SLC16A6: variants seen among roughly 807,000 people sequenced by gnomAD.
SLC16A6 encodes the protein monocarboxylate transporter 7.
In SLC16A6, 15 loss-of-function variants were observed where a neutral mutation model predicts 33.8. That is an observed-to-expected ratio of 0.44 (90% CI 0.30 to 0.68). The LOEUF is 0.68. Among genes scored for constraint, SLC16A6 ranks in the 30% least tolerant of loss-of-function variants. SLC16A6 has a pLI of 0.10. For missense variants in SLC16A6, 451 were observed against 661.5 expected, an observed-to-expected ratio of 0.68 and a Z score of 3.49; for synonymous variants, 219 against 248.4, an observed-to-expected ratio of 0.88 and a Z score of 1.11.
At chr17:68,272,918 A>G (rs1247612761) in intron 3 of SLC16A6, 151 bp from the exon 4 acceptor site, 5 of 886,194 alleles carry the variant, frequency 5.6e-6, no homozygotes, top group Non-Finnish European at 8.5e-6. Context: ...TGATGTTGCA[A>G]AGAAAAATGG....
At chr17:68,284,595 C>A (rs760736922) in intron 1 of SLC16A6, among the ~76,000 whole-genome samples, 38 of 152,146 alleles carry the variant, frequency 2.5e-4, no homozygotes, top group Non-Finnish European at 5.1e-4. Flanking sequence ...GACACAACCT[C>A]ATCTATCCAA....
chr17:68,270,451 G>A (rs1337650595), intron 5 of SLC16A6, among the ~76,000 whole-genome samples: 2 of 152,032 alleles, frequency 1.3e-5, no homozygotes, highest in African/African-American at 2.4e-5. Context: ...CTACTCAGGA[G>A]GCTGAGGCAG....
intron 1 of SLC16A6, among the ~76,000 whole-genome samples, chr17:68,281,168 T>TAGACAATA (rs2075684022): frequency 6.7e-6 from 1 of 148,608 alleles, no homozygotes; most frequent in South Asian, 2.1e-4. Context: ...CACAGAAGGG[T>TAGACAATA]AGACAATATT....
chr17:68,283,287 G>C (rs1568416581), intron 1 of SLC16A6, among the ~76,000 whole-genome samples: 1 of 151,488 alleles, frequency 6.6e-6, no homozygotes, highest in Non-Finnish European at 1.5e-5. Flanking sequence ...TTGGGAGGCC[G>C]AGGCAGGCGA....
rs200861671 is a variant in SLC16A6, at chr17:68,268,916, TAAAAC to T, written c.*175_*179del. The stretch of plus-strand genomic sequence containing the variant: ...TAAAAACAAGCAAAAAAAAAAAGCT[TAAAAC>T]AAAACAAAACAAAACAAAAGCGATG... On this transcript the variant is annotated 3_prime_UTR_variant, in exon 6 of 6. Transcript: ENST00000580666. The T allele has an allele frequency of 4.9e-3, 7,020 of 1,425,276 alleles. 222 individuals are homozygous for T. In the African/African-American group the frequency reaches 0.078, roughly 16 times the overall value. 88.3% of individuals were successfully genotyped at this position (1,425,276 alleles called of 1,614,324 possible).
chr17:68,284,986 A>G (rs2075809039), intron 1 of SLC16A6, among the ~76,000 whole-genome samples: 1 of 152,214 alleles, frequency 6.6e-6, no homozygotes, highest in South Asian at 2.1e-4. Context: ...GCAACAAAAT[A>G]CCTATCAGGT....
In SLC16A6 at chr17:68,277,212, A is replaced by T. The variant is rs895953291; in HGVS notation, c.232+877T>A. 9.9e-5 allele frequency among the ~76,000 whole-genome samples: 15 copies of T among 151,356 alleles called. No homozygotes were observed. In the East Asian group the frequency reaches 2.7e-3, roughly 28 times the overall value. Reference sequence around the variant, plus strand: ...AATGGCATGATCTGGGCTTACTGCAACCTCCACCTCCCAGGTTCACACGAT... The same window carrying T: ...AATGGCATGATCTGGGCTTACTGCATCCTCCACCTCCCAGGTTCACACGAT... On this transcript the variant is annotated intron_variant, in intron 2 of 5. Transcript: ENST00000580666.
chr17:68,280,222 A>G (rs1555752253), intron 1 of SLC16A6, among the ~76,000 whole-genome samples: 1 of 151,792 alleles, frequency 6.6e-6, no homozygotes, highest in East Asian at 1.9e-4. Context: ...ATATGACCCA[A>G]AGCAATCTAC....
chr17:68,286,879 G>C (rs2075854102), intron 1 of SLC16A6, among the ~76,000 whole-genome samples: 1 of 152,242 alleles, frequency 6.6e-6, no homozygotes, highest in Admixed American at 6.5e-5. Flanking sequence ...ACTGAGCTCG[G>C]AGAAAGTGTA....
intron 1 of SLC16A6, among the ~76,000 whole-genome samples, chr17:68,282,064 C>T (rs1222646366): frequency 1.3e-5 from 2 of 152,180 alleles, no homozygotes; most frequent in Admixed American, 6.6e-5. Flanking sequence ...ATGTTTATTG[C>T]GGCACTATTC....
chr17:68,268,932 A>G lies in SLC16A6; in HGVS notation c.*164T>C. On this transcript the variant is annotated 3_prime_UTR_variant, in exon 6 of 6. Transcript: ENST00000580666. Reference sequence around the variant, plus strand: ...AAAAAAGCTTAAAACAAAACAAAACAAAACAAAAGCGATGTTGGTAGTGCT... The same window carrying G: ...AAAAAAGCTTAAAACAAAACAAAACGAAACAAAAGCGATGTTGGTAGTGCT... 3 of 1,472,852 alleles carry G rather than the reference A, an allele frequency of 2.0e-6. No homozygotes were observed. The highest frequency in any genetic ancestry group is 2.7e-6 in the Non-Finnish European group (3 of 1,100,310). 91.2% of individuals were successfully genotyped at this position (1,472,852 alleles called of 1,614,324 possible).
At position 68,270,997 on chromosome 17, in the gene SLC16A6, C is replaced by T. The variant is rs531346373; in HGVS notation, c.1163G>A (p.Cys388Tyr). Residue 388 changes from cysteine to tyrosine, a missense_variant, in exon 5 of 6, where the codon TGC becomes TAC. Transcript: ENST00000580666. ...AACCATAAACCCAAAAAATATGCTG[C>T]ATGACATTAGACCCCAGAATTCAGT... is the stretch of plus-strand genomic sequence containing the variant. ...FATEFWGLMSCSIFFGFMVGT... is the reference protein window; with the variant it reads ...FATEFWGLMSYSIFFGFMVGT... The T allele has an allele frequency of 6.2e-7, 1 of 1,614,146 alleles. No individual in the cohort carries two copies. Among genetic ancestry groups the T allele is most frequent in the African/African-American group, 1.3e-5 (1 of 75,008 alleles).
chr17:68,280,706 C>T (rs1309448547), intron 1 of SLC16A6, among the ~76,000 whole-genome samples: 1 of 152,188 alleles, frequency 6.6e-6, no homozygotes, highest in African/African-American at 2.4e-5. Context: ...ATAGGGGAAA[C>T]ACTTTAGGAC....
chr17:68,269,729 G>A lies in SLC16A6; in HGVS notation c.1322-383C>T, dbSNP rs1555747833. Reference sequence around the variant, plus strand: ...ATTCTTGTTGCCCCAGGTGGAGTGCGATGGTGCAATCTCAGGTCACTGCAA... The same window carrying A: ...ATTCTTGTTGCCCCAGGTGGAGTGCAATGGTGCAATCTCAGGTCACTGCAA... On this transcript the variant is annotated intron_variant, in intron 5 of 5. Coordinates refer to ENST00000580666, the MANE Select transcript of SLC16A6 (RefSeq NM_004694.5). 9.3e-5 allele frequency among the ~76,000 whole-genome samples: 13 copies of A among 139,682 alleles called. No homozygotes were observed. The Admixed American group carries it at 1.0e-3, about 11-fold the overall frequency. The allele number at this position is 139,682 out of a possible 152,430, so 91.6% of individuals were successfully genotyped here. A position where few individuals can be genotyped will look rare whatever the true frequency, so the allele number is the denominator to read the frequency against.
intron 3 of SLC16A6, 127 bp downstream of exon 3, chr17:68,273,800 A>G: frequency 8.8e-7 from 1 of 1,141,944 alleles, no homozygotes; most frequent in Non-Finnish European, 1.2e-6. Flanking sequence ...CTGATCTGAG[A>G]CACTGTTAAT....
rs191467731 is a variant in SLC16A6, at chr17:68,274,202, A to G, written c.233-132T>C. On this transcript the variant is annotated intron_variant, in intron 2 of 5. Coordinates refer to ENST00000580666, the MANE Select transcript of SLC16A6 (RefSeq NM_004694.5). Reference sequence around the variant, plus strand: ...TAAATATGGCCGAGCGCAGTGGCTCATGCCTGTAATCCCAGCACTTTGGGA... The same window carrying G: ...TAAATATGGCCGAGCGCAGTGGCTCGTGCCTGTAATCCCAGCACTTTGGGA... The G allele has an allele frequency of 8.2e-5, 76 of 924,712 alleles. 1 individual carries two copies. In the East Asian group the frequency reaches 2.0e-3, roughly 24 times the overall value. 57.3% of individuals were successfully genotyped at this position (924,712 alleles called of 1,614,324 possible). A position where few individuals can be genotyped will look rare whatever the true frequency, so the allele number is the denominator to read the frequency against.
At chr17:68,288,423 A>G (rs1371426554) in intron 1 of SLC16A6, among the ~76,000 whole-genome samples, 1 of 152,140 alleles carries the variant, frequency 6.6e-6, no homozygotes, top group Non-Finnish European at 1.5e-5. Flanking sequence ...TCCAGAATAT[A>G]AAAGTTTATC....
chr17:68,289,284 C>A (rs1450553262), intron 1 of SLC16A6, among the ~76,000 whole-genome samples: 1 of 152,072 alleles, frequency 6.6e-6, no homozygotes, highest in Non-Finnish European at 1.5e-5. Flanking sequence ...GGGAGTGAGA[C>A]CCTGCCTCTA....
chr17:68,273,967 T>C lies in SLC16A6; in HGVS notation c.336A>G (p.Gln112=), dbSNP rs2075426711. The stretch of plus-strand genomic sequence containing the variant: ...TGGCGACGTACATATGAGAAACCTC[T>C]TGTGAGAAGGAGGCGGCCACCATCC... ...STGMVAASFS[Q]EVSHMYVAIG... is the part of the protein sequence containing the mutation. The change falls in exon 3 of 6, where the codon CAA becomes CAG. Residue 112 remains glutamine (Q), a synonymous_variant. Coordinates refer to ENST00000580666, the MANE Select transcript of SLC16A6 (RefSeq NM_004694.5). The C allele has an allele frequency of 1.9e-6, 3 of 1,614,034 alleles. No homozygotes were observed. The highest frequency in any genetic ancestry group is 1.6e-4 in the Middle Eastern group (1 of 6,084).
Sources: allele counts gnomAD v4.1 joint callset (sites outside exome capture counted in the v4.1 genomes callset), GRCh38; gene constraint gnomAD v4.1.1; transcripts MANE v1.5; gene names NCBI Gene and HGNC (gene_info 2026-07-23, HGNC 2026-07-21).